The following DPP6 variants were observed in gnomAD, a reference collection of about 807,000 sequenced individuals.
The protein encoded by DPP6 is A-type potassium channel modulatory protein DPP6.
In DPP6, 69 loss-of-function variants were observed where a neutral mutation model predicts 122.6. The observed-to-expected ratio is 0.56, with a 90% CI of 0.46 to 0.69. The LOEUF (loss-of-function observed/expected upper bound fraction) is 0.69. Ranked by LOEUF, DPP6 falls within the 30% of genes least tolerant of loss-of-function variation. The pLI is 0.00. For synonymous variants in DPP6, 418 were observed against 433.1 expected (o/e 0.97, Z 0.43); for missense variants, 928 against 1,116.9 (o/e 0.83, Z 2.41).
In DPP6 at chr7:154,151,229, G is replaced by A. The variant is rs144275845; in HGVS notation, c.243+98166G>A. Among the ~76,000 whole-genome samples, 1,429 of 152,132 alleles carry A rather than the reference G, an allele frequency of 9.4e-3. 17 individuals carry two copies. The highest frequency in any genetic ancestry group is 0.033 in the African/African-American group (1,370 of 41,478). ...CTGGGGCACCTGATTGCTTCTGCCC[G>A]CCCCAGGATGCTTGCCCCAGGCCTC... On this transcript the variant is annotated intron_variant, in intron 1 of 25. Coordinates refer to ENST00000377770, the MANE Select transcript of DPP6 (RefSeq NM_130797.4).
chr7:154,774,865 G>C (rs951102700), intron 10 of DPP6, among the ~76,000 whole-genome samples: 3 of 152,296 alleles, frequency 2.0e-5, no homozygotes, highest in Admixed American at 2.0e-4. Flanking sequence ...AATCCCTGCA[G>C]GTGTGAGAAG....
At chr7:153,939,903 G>A (rs1375332424) in intron 1 of DPP6, among the ~76,000 whole-genome samples, 2 of 152,224 alleles carry the variant, frequency 1.3e-5, no homozygotes, top group African/African-American at 4.8e-5. Flanking sequence ...AGTTCATACA[G>A]CATGAAGTTT....
intron 1 of DPP6, among the ~76,000 whole-genome samples, chr7:154,127,183 A>C (rs1298186765): frequency 1.3e-5 from 2 of 152,216 alleles, no homozygotes; most frequent in African/African-American, 4.8e-5. Flanking sequence ...TGGGCATTTG[A>C]TACTAAGTTA....
intron 1 of DPP6, among the ~76,000 whole-genome samples, chr7:154,383,411 G>A (rs777262979): frequency 1.3e-5 from 2 of 152,090 alleles, no homozygotes; most frequent in Non-Finnish European, 2.9e-5. Flanking sequence ...ATTTGAGTTC[G>A]CATCGATTTG....
intron 1 of DPP6, among the ~76,000 whole-genome samples, chr7:154,343,297 C>T (rs754675936): frequency 6.6e-5 from 10 of 152,178 alleles, no homozygotes; most frequent in Non-Finnish European, 1.2e-4. Context: ...AGCTAATCAG[C>T]GGTGGAGCGA....
At chr7:154,252,918 TAA>T (rs1802438386) in intron 1 of DPP6, among the ~76,000 whole-genome samples, 1 of 152,236 alleles carries the variant, frequency 6.6e-6, no homozygotes, top group Non-Finnish European at 1.5e-5. Flanking sequence ...CCTTGCTGTT[TAA>T]GAGAAGTCTA....
chr7:154,011,514 T>G (rs1340760517), intron 1 of DPP6, among the ~76,000 whole-genome samples: 1 of 152,150 alleles, frequency 6.6e-6, no homozygotes, highest in East Asian at 1.9e-4. Flanking sequence ...ATCTAAGAAA[T>G]AAATCTCAGT....
intron 1 of DPP6, among the ~76,000 whole-genome samples, chr7:154,027,575 C>T (rs1047413353): frequency 6.6e-6 from 1 of 152,164 alleles, no homozygotes; most frequent in African/African-American, 2.4e-5. Flanking sequence ...CACCTCCTAA[C>T]ACCATCGCTT....
intron 1 of DPP6, among the ~76,000 whole-genome samples, chr7:154,294,070 G>T (rs78242801): frequency 2.6e-5 from 4 of 152,208 alleles, no homozygotes; most frequent in Admixed American, 2.6e-4. Flanking sequence ...GAAAGGACCC[G>T]GGATTTGCAA....
intron 16 of DPP6, among the ~76,000 whole-genome samples, chr7:154,826,826 G>C (rs79435616): frequency 0.016 from 2,379 of 152,282 alleles, 55 homozygotes; most frequent in African/African-American, 0.053. Context: ...GAGCAGAGAC[G>C]TCTGGCTAAA....
intron 6 of DPP6, among the ~76,000 whole-genome samples, chr7:154,639,320 T>C (rs985982050): frequency 1.3e-5 from 2 of 152,232 alleles, no homozygotes; most frequent in African/African-American, 4.8e-5. Flanking sequence ...TACAAATTTT[T>C]CATTAAAAGT....
chr7:154,081,053 T>G (rs1803966420), intron 1 of DPP6, among the ~76,000 whole-genome samples: 1 of 152,086 alleles, frequency 6.6e-6, no homozygotes, highest in African/African-American at 2.4e-5. Context: ...GTTGTCAGAA[T>G]TTTGAGCTAT....
intron 21 of DPP6, among the ~76,000 whole-genome samples, chr7:154,881,598 C>A (rs1805393008): frequency 6.6e-6 from 1 of 152,234 alleles, no homozygotes; most frequent in Admixed American, 6.5e-5. Flanking sequence ...CTGGGAGTGA[C>A]CCTCAGCACA....
intron 3 of DPP6, among the ~76,000 whole-genome samples, chr7:154,535,576 T>C (rs1227484396): frequency 6.6e-6 from 1 of 150,718 alleles, no homozygotes; most frequent in African/African-American, 2.4e-5. Context: ...GTTTAAAAAA[T>C]TAATTGGGAA....
intron 10 of DPP6, among the ~76,000 whole-genome samples, chr7:154,776,773 G>A (rs2150391545): frequency 6.6e-6 from 1 of 152,290 alleles, no homozygotes. Context: ...ATGACATCTT[G>A]TCCTCTCAAG....
intron 1 of DPP6, among the ~76,000 whole-genome samples, chr7:154,134,820 G>A (rs1408807791): frequency 6.6e-6 from 1 of 151,340 alleles, no homozygotes; most frequent in East Asian, 2.0e-4. Flanking sequence ...TCCTATAAGT[G>A]TATACATCCT....
chr7:154,238,127 C>T (rs929986284), intron 1 of DPP6, among the ~76,000 whole-genome samples: 1 of 152,206 alleles, frequency 6.6e-6, no homozygotes, highest in Non-Finnish European at 1.5e-5. Context: ...ATAACACCAT[C>T]TGCCAGTGAG....
Position 154,413,910 on chromosome 7 carries a change from T to C in DPP6, c.244-32304T>C, listed in dbSNP as rs1167942731. On this transcript the variant is annotated intron_variant, in intron 1 of 25. Coordinates refer to ENST00000377770, the MANE Select transcript of DPP6 (RefSeq NM_130797.4). ...GATGATTATTTTAACAATCACAAAA[T>C]GCTTTCCTGAACATGTTCTTTTATC... Among the ~76,000 whole-genome samples the C allele has an allele frequency of 3.3e-5, 5 of 152,202 alleles. No homozygotes were observed. In the East Asian group the frequency reaches 9.6e-4, roughly 29 times the overall value.
chr7:154,224,788 T>C (rs757089214), intron 1 of DPP6, among the ~76,000 whole-genome samples: 4 of 149,406 alleles, frequency 2.7e-5, no homozygotes, highest in Non-Finnish European at 4.4e-5. Flanking sequence ...CACAATTTGA[T>C]GACGTAAGAG....
Sources: gnomAD v4.1 joint callset for allele counts (sites outside exome capture counted in the v4.1 genomes callset) on GRCh38, gnomAD v4.1.1 for gene constraint, MANE v1.5 for transcripts, NCBI Gene and HGNC (gene_info 2026-07-23, HGNC 2026-07-21) for gene names.